EYS: variants seen among roughly 807,000 people sequenced by gnomAD.
The protein encoded by EYS is EGF-like photoreceptor maintenance factor.
In EYS, 250 loss-of-function variants were observed where a neutral mutation model predicts 282.1. The ratio of observed to expected loss-of-function variants is 0.89; its 90% CI spans 0.80 to 0.98. EYS has a LOEUF of 0.98. EYS is among the 50% of genes least tolerant of loss of function. The pLI is 0.00. For missense variants in EYS, 4,016 were observed against 3,709.0 expected, an observed-to-expected ratio of 1.08 and a Z score of -2.15; for synonymous variants, 1,355 against 1,282.9, an observed-to-expected ratio of 1.06 and a Z score of -1.20.
intron 14 of EYS, among the ~76,000 whole-genome samples, chr6:64,985,702 CTG>C (rs1770837086): frequency 6.6e-6 from 1 of 151,428 alleles, no homozygotes; most frequent in Admixed American, 6.6e-5. Context: ...CAGAGAAAAA[CTG>C]ATTCTTTTAC....
At chr6:63,891,061 A>T (rs2149724673) in intron 35 of EYS, among the ~76,000 whole-genome samples, 1 of 152,328 alleles carries the variant, frequency 6.6e-6, no homozygotes, top group Non-Finnish European at 1.5e-5. Context: ...CCCTGAATAG[A>T]CCAATAACAA....
At chr6:63,826,845 C>CAAAAAAAAAAAAAAAAAAAGA (rs1771478105) in intron 36 of EYS, among the ~76,000 whole-genome samples, 16 of 76,764 alleles carry the variant, frequency 2.1e-4, no homozygotes, top group Non-Finnish European at 3.8e-4. Flanking sequence ...AGTTAAAAAG[C>CAAAAAAAAAAAAAAAAAAAGA]AAAAAAAAAA....
intron 1 of EYS, among the ~76,000 whole-genome samples, chr6:65,676,151 C>T (rs182608396): frequency 2.5e-3 from 382 of 151,736 alleles, no homozygotes; most frequent in African/African-American, 8.4e-3. Context: ...AAATAAACAA[C>T]CTAACTTTAT....
chr6:65,549,482 C>T (rs1193006521), intron 2 of EYS, among the ~76,000 whole-genome samples: 1 of 152,146 alleles, frequency 6.6e-6, no homozygotes, highest in African/African-American at 2.4e-5. Context: ...CTGCTCATTA[C>T]TGCTGTGTGT....
At chr6:65,623,658 C>T (rs1766600026) in intron 2 of EYS, among the ~76,000 whole-genome samples, 1 of 152,032 alleles carries the variant, frequency 6.6e-6, no homozygotes, top group East Asian at 1.9e-4. Context: ...TTAATCAGTT[C>T]AGTTCAGAGT....
At chr6:63,995,213 A>G (rs1767780800) in intron 34 of EYS, among the ~76,000 whole-genome samples, 1 of 151,978 alleles carries the variant, frequency 6.6e-6, no homozygotes, top group Non-Finnish European at 1.5e-5. Flanking sequence ...ACAAAACCCC[A>G]GTATAACCTG....
At chr6:64,383,105 T>C (rs934336537) in intron 29 of EYS, among the ~76,000 whole-genome samples, 1 of 152,108 alleles carries the variant, frequency 6.6e-6, no homozygotes, top group African/African-American at 2.4e-5. Context: ...CTGGGAAACA[T>C]AGAGAAACCC....
At chr6:63,859,780 T>C (rs1772489091) in intron 36 of EYS, among the ~76,000 whole-genome samples, 1 of 152,184 alleles carries the variant, frequency 6.6e-6, no homozygotes, top group African/African-American at 2.4e-5. Context: ...TGTTTGTTTG[T>C]CTCGGCTCCG....
intron 26 of EYS, among the ~76,000 whole-genome samples, chr6:64,529,999 T>C (rs1354598832): frequency 7.2e-5 from 11 of 152,094 alleles, no homozygotes; most frequent in Admixed American, 5.2e-4. Context: ...ATTTCTCCTA[T>C]TGATGAGGAG....
chr6:64,508,333 G>C (rs1777277097), intron 26 of EYS, among the ~76,000 whole-genome samples: 1 of 146,880 alleles, frequency 6.8e-6, no homozygotes, highest in South Asian at 2.1e-4. Context: ...TCCAAATAAA[G>C]CCATGCAGAG....
rs151069681 is a variant in EYS at position 63,811,877 on chromosome 6, G to C, written c.7229-5505C>G. On this transcript the variant is annotated intron_variant, in intron 36 of 42. Transcript: ENST00000503581. The stretch of plus-strand genomic sequence containing the variant: ...CTGCTACCTCAACTGACAAACTGAC[G>C]AATATGTTAACTTCATCTTCAAAAT... Among the ~76,000 whole-genome samples the C allele has an allele frequency of 9.9e-5, 15 of 152,186 alleles. No individual in the cohort carries two copies. In the East Asian group the frequency reaches 2.9e-3, roughly 29 times the overall value.
intron 12 of EYS, among the ~76,000 whole-genome samples, chr6:65,254,705 G>C (rs986713261): frequency 6.6e-6 from 1 of 151,668 alleles, no homozygotes; most frequent in Non-Finnish European, 1.5e-5. Flanking sequence ...AGTTATGTAG[G>C]GCTGTTAATA....
At chr6:64,356,896 T>C (rs1745465184) in intron 29 of EYS, among the ~76,000 whole-genome samples, 1 of 151,624 alleles carries the variant, frequency 6.6e-6, no homozygotes, top group African/African-American at 2.4e-5. Context: ...GTGGAAAACC[T>C]GTCAGGTGAG....
chr6:65,238,244 C>T (rs1377623234), intron 12 of EYS, among the ~76,000 whole-genome samples: 1 of 149,462 alleles, frequency 6.7e-6, no homozygotes, highest in Non-Finnish European at 1.5e-5. Context: ...GTATATAATC[C>T]TTTTAAAAAT....
chr6:64,010,015 G>T (rs564697729), intron 33 of EYS, among the ~76,000 whole-genome samples: 11 of 151,808 alleles, frequency 7.2e-5, no homozygotes, highest in African/African-American at 1.9e-4. Flanking sequence ...TAGGGGGCCA[G>T]TGCTCAGCTC....
chr6:64,987,730 C>G (rs1583363806), intron 14 of EYS, among the ~76,000 whole-genome samples: 1 of 151,330 alleles, frequency 6.6e-6, no homozygotes, highest in African/African-American at 2.4e-5. Context: ...TATGATATAC[C>G]AGTGAACTAT....
chr6:65,126,159 C>A (rs985874607), intron 12 of EYS, among the ~76,000 whole-genome samples: 1 of 151,964 alleles, frequency 6.6e-6, no homozygotes, highest in Non-Finnish European at 1.5e-5. Flanking sequence ...ACCTTTTATA[C>A]CCATTTCTTG....
chr6:64,259,524 C>T (rs150621761), intron 30 of EYS, among the ~76,000 whole-genome samples: 95 of 151,972 alleles, frequency 6.3e-4, no homozygotes, highest in Non-Finnish European at 1.2e-3. Flanking sequence ...GAGATCCTGC[C>T]CCTCCGTCCC....
intron 29 of EYS, among the ~76,000 whole-genome samples, chr6:64,332,210 C>A (rs894895335): frequency 5.9e-5 from 9 of 152,154 alleles, no homozygotes; most frequent in African/African-American, 1.7e-4. Context: ...GTCAGGTGCA[C>A]CCCTACTAAA....
Sources: allele counts gnomAD v4.1 joint callset (sites outside exome capture counted in the v4.1 genomes callset), GRCh38; gene constraint gnomAD v4.1.1; transcripts MANE v1.5; gene names NCBI Gene and HGNC (gene_info 2026-07-23, HGNC 2026-07-21).